INPP4B: variants seen among roughly 807,000 people sequenced by gnomAD.
The protein encoded by INPP4B is inositol polyphosphate-4-phosphatase type II B.
Under a neutral mutation model 122.5 loss-of-function variants are expected in INPP4B, and 55 were observed. The observed-to-expected ratio is 0.45, with a 90% CI of 0.36 to 0.56. The LOEUF (loss-of-function observed/expected upper bound fraction) is 0.56. INPP4B is among the 20% of genes least tolerant of loss of function. The probability of loss-of-function intolerance (pLI) is 0.00; values close to 1 mark genes in which losing one functional copy is unlikely to be tolerated. For missense variants in INPP4B, 1,000 were observed against 1,097.7 expected, an observed-to-expected ratio of 0.91 and a Z score of 1.26; for synonymous variants, 403 against 388.7, an observed-to-expected ratio of 1.04 and a Z score of -0.43.
rs1318517725 is a variant in INPP4B, at chr4:142,255,265, G to A, written c.688+5227C>T. ...CTGCAAAATCATGCCAAAATGTAAA[G>A]ACCATCGAGACTAGGAAAGAACTGC... is the stretch of plus-strand genomic sequence containing the variant. On this transcript the variant is annotated intron_variant, in intron 11 of 25. Coordinates refer to ENST00000262992, the MANE Select transcript of INPP4B (RefSeq NM_001101669.3). Among the ~76,000 whole-genome samples, 3 of 151,854 alleles carry A rather than the reference G, an allele frequency of 2.0e-5. No individual in the cohort carries two copies. In the East Asian group the frequency reaches 5.8e-4, roughly 29 times the overall value.
intron 12 of INPP4B, among the ~76,000 whole-genome samples, chr4:142,212,824 C>T (rs1250139381): frequency 6.6e-6 from 1 of 152,132 alleles, no homozygotes; most frequent in Admixed American, 6.5e-5. Context: ...GAAGGGCCTA[C>T]CCTTAGTCCC....
At chr4:142,553,099 C>A (rs1434704652) in intron 2 of INPP4B, among the ~76,000 whole-genome samples, 3 of 152,116 alleles carry the variant, frequency 2.0e-5, no homozygotes, top group Non-Finnish European at 4.4e-5. Flanking sequence ...TTTCTGGTTT[C>A]TGTTCTGTTT....
At chr4:142,432,021 G>A (rs1489579) in intron 3 of INPP4B, among the ~76,000 whole-genome samples, 3,080 of 152,042 alleles carry the variant, frequency 0.02, 87 homozygotes, top group African/African-American at 0.071. Flanking sequence ...AGCTCAAGGG[G>A]AAATTAAAGC....
chr4:142,522,116 T>C (rs1022631455), intron 2 of INPP4B, among the ~76,000 whole-genome samples: 4 of 152,128 alleles, frequency 2.6e-5, no homozygotes, highest in African/African-American at 4.8e-5. Context: ...TATTGCCAAC[T>C]TTTTTTCTTT....
At chr4:142,610,622 T>A (rs1364921) in intron 2 of INPP4B, among the ~76,000 whole-genome samples, 95,988 of 152,062 alleles carry the variant, frequency 0.63, 31,472 homozygotes, top group East Asian at 0.79. Context: ...ATAGCTATAC[T>A]CCTAATTAGT....
intron 8 of INPP4B, among the ~76,000 whole-genome samples, chr4:142,310,844 TA>T (rs1765264390): frequency 6.6e-6 from 1 of 152,222 alleles, no homozygotes; most frequent in South Asian, 2.1e-4. Flanking sequence ...AAGGAAACAT[TA>T]AAAAGCACTT....
chr4:142,605,456 C>T (rs1295588221), intron 2 of INPP4B, among the ~76,000 whole-genome samples: 2 of 151,954 alleles, frequency 1.3e-5, no homozygotes, highest in Admixed American at 6.6e-5. Context: ...AGCTTCTACA[C>T]AGCAAAAGAA....
intron 7 of INPP4B, among the ~76,000 whole-genome samples, chr4:142,339,633 G>A (rs1294844485): frequency 1.3e-5 from 2 of 152,096 alleles, no homozygotes; most frequent in African/African-American, 4.8e-5. Context: ...GCACCCTCTT[G>A]TTCATTCATT....
chr4:142,727,836 G>A (rs1765529877), intron 1 of INPP4B, among the ~76,000 whole-genome samples: 1 of 152,144 alleles, frequency 6.6e-6, no homozygotes, highest in Non-Finnish European at 1.5e-5. Context: ...CGAGATTGCA[G>A]CACTGCACTC....
At chr4:142,270,561 A>G in intron 10 of INPP4B, 102 bp downstream of exon 10, 2 of 789,656 alleles carry the variant, frequency 2.5e-6, no homozygotes, top group Non-Finnish European at 4.4e-6. Flanking sequence ...TTAGGTTTTG[A>G]TAATGAGATT....
At chr4:142,702,906 T>C (rs1762001389) in intron 2 of INPP4B, among the ~76,000 whole-genome samples, 2 of 152,216 alleles carry the variant, frequency 1.3e-5, no homozygotes, top group Non-Finnish European at 2.9e-5. Flanking sequence ...GATGTTTTTA[T>C]CAACAAGTGC....
At chr4:142,845,466 C>G (rs1248852081) in intron 1 of INPP4B, among the ~76,000 whole-genome samples, 2 of 152,138 alleles carry the variant, frequency 1.3e-5, no homozygotes, top group Non-Finnish European at 2.9e-5. Context: ...ATGACCTCCC[C>G]CGTCCAAACC....
chr4:142,330,211 G>A (rs936003628), intron 7 of INPP4B, among the ~76,000 whole-genome samples: 8 of 152,088 alleles, frequency 5.3e-5, no homozygotes, highest in Admixed American at 1.3e-4. Context: ...ATGCATGTGT[G>A]GAAGAATACA....
At chr4:142,669,816 T>C (rs1756724835) in intron 2 of INPP4B, among the ~76,000 whole-genome samples, 1 of 152,160 alleles carries the variant, frequency 6.6e-6, no homozygotes, top group South Asian at 2.1e-4. Flanking sequence ...CCATGGCTAT[T>C]ATCAAAAATA....
intron 16 of INPP4B, among the ~76,000 whole-genome samples, chr4:142,170,150 T>C (rs1824885351): frequency 6.6e-6 from 1 of 151,768 alleles, no homozygotes; most frequent in Non-Finnish European, 1.5e-5. Flanking sequence ...GTTAAAATTT[T>C]GGTCTATCTT....
At chr4:142,544,726 C>T (rs747296314) in intron 2 of INPP4B, among the ~76,000 whole-genome samples, 25 of 152,034 alleles carry the variant, frequency 1.6e-4, no homozygotes, top group Non-Finnish European at 3.4e-4. Flanking sequence ...CTTGATTCCC[C>T]ACAGACAGGT....
intron 7 of INPP4B, among the ~76,000 whole-genome samples, chr4:142,359,754 A>C (rs1375836339): frequency 6.6e-6 from 1 of 152,004 alleles, no homozygotes; most frequent in Admixed American, 6.6e-5. Flanking sequence ...TATGCTATTC[A>C]GATTCAATTA....
At chr4:142,340,799 G>A (rs1778449211) in intron 7 of INPP4B, among the ~76,000 whole-genome samples, 1 of 151,960 alleles carries the variant, frequency 6.6e-6, no homozygotes, top group Non-Finnish European at 1.5e-5. Flanking sequence ...GACTAAAGAG[G>A]AAGAAATTAA....
At chr4:142,583,597 C>CA (rs1735566480) in intron 2 of INPP4B, 1 of 152,110 alleles carries the variant, frequency 6.6e-6, no homozygotes, top group Non-Finnish European at 1.5e-5. Context: ...TATGTAAATG[C>CA]AAACAAACAC....
Sources: gnomAD v4.1 joint callset for allele counts (sites outside exome capture counted in the v4.1 genomes callset) on GRCh38, gnomAD v4.1.1 for gene constraint, MANE v1.5 for transcripts, NCBI Gene and HGNC (gene_info 2026-07-23, HGNC 2026-07-21) for gene names.